EIF3A: variants seen among roughly 807,000 people sequenced by gnomAD.
The protein encoded by EIF3A is eukaryotic translation initiation factor 3 subunit A.
Under a neutral mutation model 186.6 loss-of-function variants are expected in EIF3A, and 21 were observed. That is an observed-to-expected ratio of 0.11 (90% CI 0.08 to 0.16). The LOEUF (loss-of-function observed/expected upper bound fraction) is 0.16. EIF3A is among the 10% of genes least tolerant of loss of function. The probability of loss-of-function intolerance (pLI) is 1.00; values close to 1 mark genes in which losing one functional copy is unlikely to be tolerated. For synonymous variants in EIF3A, 563 were observed against 584.3 expected, an observed-to-expected ratio of 0.96 and a Z score of 0.52; for missense variants, 1,306 against 1,796.3, an observed-to-expected ratio of 0.73 and a Z score of 4.93.
At chr10:119,040,349 T>C (rs950939792) in intron 19 of EIF3A, among the ~76,000 whole-genome samples, 3 of 152,080 alleles carry the variant, frequency 2.0e-5, no homozygotes, top group African/African-American at 7.2e-5. Flanking sequence ...ACATAAAGGA[T>C]GAAACAGAGA....
intron 19 of EIF3A, 89 bp from the exon 20 acceptor site, chr10:119,038,528 A>G (rs1848166717): frequency 1.9e-6 from 2 of 1,049,922 alleles, no homozygotes; most frequent in Non-Finnish European, 2.8e-6. Context: ...GCATTAATTC[A>G]TCATCATTCT....
At chr10:119,077,754 T>C (rs1396297950) in intron 1 of EIF3A, among the ~76,000 whole-genome samples, 3 of 151,930 alleles carry the variant, frequency 2.0e-5, no homozygotes, top group Non-Finnish European at 4.4e-5. Flanking sequence ...ACGGTTTCAC[T>C]GTGTTAGTGA....
At chr10:119,036,497 G>A (rs1252530094) in intron 21 of EIF3A, among the ~76,000 whole-genome samples, 1 of 152,006 alleles carries the variant, frequency 6.6e-6, no homozygotes, top group Non-Finnish European at 1.5e-5. Flanking sequence ...CTGAAAACAG[G>A]CAGAAACCAC....
At chr10:119,037,906 A>AT (rs1342550659) in intron 20 of EIF3A, among the ~76,000 whole-genome samples, 15 of 111,634 alleles carry the variant, frequency 1.3e-4, no homozygotes, top group South Asian at 3.6e-4. Flanking sequence ...TTTAAGAGGG[A>AT]ATTTTTTTTT....
rs61029991 is a variant in EIF3A, at chr10:119,052,368, T to TTGTGTGTGTGTGTGTGTGTG, written c.2197-1067_2197-1048dup. Among the ~76,000 whole-genome samples, 961 of 123,018 alleles carry TTGTGTGTGTGTGTGTGTGTG rather than the reference T, an allele frequency of 7.8e-3. 44 individuals are homozygous for TTGTGTGTGTGTGTGTGTGTG. Among genetic ancestry groups the TTGTGTGTGTGTGTGTGTGTG allele is most frequent in the East Asian group, 0.03 (123 of 4,098 alleles). The allele number at this position is 123,018 out of a possible 152,430, so 80.7% of individuals were successfully genotyped here. A position where few individuals can be genotyped will look rare whatever the true frequency, so the allele number is the denominator to read the frequency against. ...CTTCAGGTTATAGTCTTTTTTGGTT[T>TTGTGTGTGTGTGTGTGTGTG]TGTGTGTGTGTGTGTGTGTGTGTGT... On this transcript the variant is annotated intron_variant, in intron 14 of 21. Transcript: ENST00000369144.
intron 14 of EIF3A, among the ~76,000 whole-genome samples, chr10:119,055,749 A>T (rs1421489775): frequency 6.6e-6 from 1 of 152,142 alleles, no homozygotes; most frequent in Non-Finnish European, 1.5e-5. Flanking sequence ...ATAAAATAAA[A>T]TAATAAATAT....
chr10:119,077,258 G>C (rs868194358), intron 1 of EIF3A, among the ~76,000 whole-genome samples: 1 of 151,902 alleles, frequency 6.6e-6, no homozygotes, highest in Non-Finnish European at 1.5e-5. Flanking sequence ...TGAGGCCAAG[G>C]GTTCAAGATC....
chr10:119,053,802 A>G (rs1163964851), intron 14 of EIF3A, among the ~76,000 whole-genome samples: 3 of 152,218 alleles, frequency 2.0e-5, no homozygotes, highest in Non-Finnish European at 4.4e-5. Context: ...AACTTGCTGT[A>G]GCTCCTCCAT....
Position 119,042,650 on chromosome 10 carries a change from A to G in EIF3A, c.2870T>C (p.Val957Ala), listed in dbSNP as rs1415390218. 3.7e-6 allele frequency: 6 copies of G among 1,614,008 alleles called. No individual in the cohort carries two copies. The highest frequency in any genetic ancestry group is 5.1e-6 in the Non-Finnish European group (6 of 1,180,014). ...EPSLRPDDDR[V>A]PRRGMDDDRG... Reference sequence around the variant, plus strand: ...GTCATCATCCATGCCACGCCGGGGAACCCGATCATCGTCTGGTCTAAGAGA... The same window carrying G: ...GTCATCATCCATGCCACGCCGGGGAGCCCGATCATCGTCTGGTCTAAGAGA... Residue 957 changes from valine (V) to alanine (A), a missense_variant, in exon 19 of 22, where the codon GTT becomes GCT. Physicochemically the swap from Val to Ala is moderately conservative, Grantham distance 64. This residue lies in a region of EIF3A where 410 missense variants were observed against 473.5 expected (regional missense o/e 0.87). Transcript: ENST00000369144. The surrounding 1 kb of genome is among the most constrained non-coding windows in gnomAD (Gnocchi z 7.8).
At chr10:119,078,389 A>T (rs201465857) in intron 1 of EIF3A, among the ~76,000 whole-genome samples, 2 of 70,964 alleles carry the variant, frequency 2.8e-5, no homozygotes, top group African/African-American at 7.2e-5. Flanking sequence ...TATTCTACTT[A>T]AATTTATTTA....
At chr10:119,080,484 C>A in intron 1 of EIF3A, 144 bp downstream of exon 1, 2 of 1,390,836 alleles carry the variant, frequency 1.4e-6, no homozygotes, top group Admixed American at 3.6e-5. Context: ...TGCCCAACCA[C>A]CGGCTGGGAC....
chr10:119,049,728 A>T, intron 17 of EIF3A, 73 bp downstream of exon 17: 1 of 1,373,814 alleles, frequency 7.3e-7, no homozygotes, highest in Non-Finnish European at 1.0e-6. Flanking sequence ...TGGGCGACAG[A>T]GCAAGACTGT....
At chr10:119,059,462 G>C in intron 10 of EIF3A, 65 bp from the exon 11 acceptor site, 1 of 1,327,262 alleles carries the variant, frequency 7.5e-7, no homozygotes, top group South Asian at 1.4e-5. Context: ...AGTAACAGAA[G>C]AATGTCATAT....
intron 17 of EIF3A, among the ~76,000 whole-genome samples, chr10:119,047,898 C>T (rs1194271317): frequency 6.6e-6 from 1 of 151,992 alleles, no homozygotes; most frequent in Non-Finnish European, 1.5e-5. Flanking sequence ...AGAGAAAAGG[C>T]ATGCAAGATA....
At position 119,058,188 on chromosome 10, in the gene EIF3A, A is replaced by T. The variant is rs1843819521; in HGVS notation, c.1745T>A (p.Leu582His). ...RQTIEERKER[L>H]ESLNIQREKE... ...CTCACGCTGAATATTCAGACTCTCA[A>T]GGCGCTCTTTTCTCTCCTCAATTGT... The change falls in exon 12 of 22, where the codon CTT (leucine) becomes CAT (histidine). Residue 582 changes from leucine (L) to histidine (H), a missense_variant. Leu to His is a moderately conservative substitution (Grantham distance 99). Coordinates refer to ENST00000369144, the MANE Select transcript of EIF3A (RefSeq NM_003750.4). 6.2e-7 allele frequency: 1 copy of T among 1,613,976 alleles called. No homozygotes were observed. The highest frequency in any genetic ancestry group is 8.5e-7 in the Non-Finnish European group (1 of 1,180,008).
At chr10:119,048,821 C>T (rs2119818504) in intron 17 of EIF3A, among the ~76,000 whole-genome samples, 1 of 152,184 alleles carries the variant, frequency 6.6e-6, no homozygotes, top group East Asian at 1.9e-4. Context: ...ACAGGTGCTG[C>T]CACCGCACCC....
Position 119,037,213 on chromosome 10 carries a change from A to C in EIF3A, c.3825T>G (p.Arg1275=), listed in dbSNP as rs1848144501. Residue 1275 remains arginine (R), a synonymous_variant, in exon 21 of 22, where the codon CGT becomes CGG. Coordinates refer to ENST00000369144, the MANE Select transcript of EIF3A (RefSeq NM_003750.4). The part of the protein sequence containing the change: ...RDDRDRDDRR[R]ERDDRRDLRE... ...TTAGATCACGCCGGTCATCCCTCTCACGGCGACGGTCATCCCTATCCCTAT... is the reference window on the plus strand; with the variant it reads ...TTAGATCACGCCGGTCATCCCTCTCCCGGCGACGGTCATCCCTATCCCTAT... The C allele has an allele frequency of 6.2e-7, 1 of 1,613,446 alleles. No individual in the cohort carries two copies. Among genetic ancestry groups the C allele is most frequent in the South Asian group, 1.1e-5 (1 of 91,054 alleles).
chr10:119,080,604 G>C, intron 1 of EIF3A, 24 bp downstream of exon 1: 1 of 1,570,950 alleles, frequency 6.4e-7, no homozygotes, highest in East Asian at 2.4e-5. Context: ...GCCCCAGCCC[G>C]GCGCGCCCCG....
intron 6 of EIF3A, 135 bp from the exon 7 acceptor site, chr10:119,065,705 A>C: frequency 1.6e-6 from 1 of 618,276 alleles, no homozygotes; most frequent in East Asian, 2.7e-5. Context: ...CTATACTCAT[A>C]AATATTATTC....
Sources: gnomAD v4.1 joint callset for allele counts (sites outside exome capture counted in the v4.1 genomes callset) on GRCh38, gnomAD v4.1.1 for gene constraint, gnomAD v4.1.1 regional missense constraint, Gnocchi (gnomAD v3.1) non-coding constraint, MANE v1.5 for transcripts, NCBI Gene and HGNC (gene_info 2026-07-23, HGNC 2026-07-21) for gene names.